The following TRPM3 variants were observed in gnomAD, a reference collection of about 807,000 sequenced individuals.
The protein encoded by TRPM3 is long transient receptor potential channel 3.
Under a neutral mutation model 181.2 loss-of-function variants are expected in TRPM3, and 77 were observed. The ratio of observed to expected loss-of-function variants is 0.42; its 90% CI spans 0.35 to 0.51. TRPM3 has a LOEUF of 0.51. TRPM3 is among the 20% of genes least tolerant of loss of function. TRPM3 has a pLI of 0.01. For synonymous variants in TRPM3, 745 were observed against 796.4 expected, an observed-to-expected ratio of 0.94 and a Z score of 1.09; for missense variants, 1,759 against 2,196.7, an observed-to-expected ratio of 0.80 and a Z score of 3.98.
intron 1 of TRPM3, among the ~76,000 whole-genome samples, chr9:71,215,200 G>A (rs890872316): frequency 6.6e-6 from 1 of 152,110 alleles, no homozygotes; most frequent in African/African-American, 2.4e-5. Context: ...ATTTGCACTA[G>A]AAATCAAATT....
intron 9 of TRPM3, among the ~76,000 whole-genome samples, chr9:70,657,551 A>G (rs2060533948): frequency 6.6e-6 from 1 of 152,200 alleles, no homozygotes; most frequent in Admixed American, 6.6e-5. Flanking sequence ...CTGGCCTAAC[A>G]GATTTTATGG....
chr9:70,575,005 A>C (rs2053546849), intron 22 of TRPM3, among the ~76,000 whole-genome samples: 1 of 151,526 alleles, frequency 6.6e-6, no homozygotes. Flanking sequence ...ACAGTGGCAC[A>C]ATCACAGCTC....
intron 1 of TRPM3, among the ~76,000 whole-genome samples, chr9:70,975,168 T>C (rs2097291057): frequency 1.3e-5 from 2 of 152,134 alleles, no homozygotes; most frequent in African/African-American, 4.8e-5. Flanking sequence ...GCACCCCGCC[T>C]GGAACATCAG....
chr9:70,692,127 A>T (rs1358863930), intron 8 of TRPM3, among the ~76,000 whole-genome samples: 1 of 152,198 alleles, frequency 6.6e-6, no homozygotes, highest in African/African-American at 2.4e-5. Flanking sequence ...CATATTTGTG[A>T]AATACTAGTT....
chr9:70,606,117 C>T (rs2061045634), intron 19 of TRPM3, among the ~76,000 whole-genome samples: 1 of 152,178 alleles, frequency 6.6e-6, no homozygotes, highest in Non-Finnish European at 1.5e-5. Flanking sequence ...TAATGTTAAC[C>T]TGCCTGGGCC....
At position 71,128,472 on chromosome 9, in the gene TRPM3, A is replaced by G. The variant is rs180762444; in HGVS notation, c.184-263961T>C. On this transcript the variant is annotated intron_variant, in intron 1 of 24. Coordinates refer to the TRPM3 transcript ENST00000357533. ...TCTAATGAGTTCCCGGAGGCTTGTT[A>G]AAAATATAAGAATTTGAGATGTGCA... Among the ~76,000 whole-genome samples the G allele has an allele frequency of 6.9e-3, 1,054 of 152,326 alleles. 1 individual carries two copies. The highest frequency in any genetic ancestry group is 0.017 in the Middle Eastern group (5 of 294).
intron 1 of TRPM3, among the ~76,000 whole-genome samples, chr9:71,119,356 G>A (rs2073125271): frequency 6.6e-6 from 1 of 152,134 alleles, no homozygotes; most frequent in South Asian, 2.1e-4. Context: ...AGATTGAGCT[G>A]TATGCCAATG....
intron 21 of TRPM3, among the ~76,000 whole-genome samples, chr9:70,592,127 G>A (rs887408758): frequency 6.6e-6 from 1 of 152,116 alleles, no homozygotes; most frequent in Non-Finnish European, 1.5e-5. Context: ...AATAGATGAG[G>A]ATGCAATAAC....
chr9:70,598,674 T>C lies in TRPM3; in HGVS notation c.2797-4A>G, dbSNP rs1269574830. Reference sequence around the variant, plus strand: ...TCCCTGGCTCTGACATCAGAATCTATAAGGCAGGAAGGAGAGCAGAGTTAG... The same window carrying C: ...TCCCTGGCTCTGACATCAGAATCTACAAGGCAGGAAGGAGAGCAGAGTTAG... On this transcript the variant is annotated splice_region_variant and splice_polypyrimidine_tract_variant and intron_variant, in intron 20 of 25. Coordinates refer to ENST00000677713, the MANE Select transcript of TRPM3 (RefSeq NM_001366145.2). 1.2e-6 allele frequency: 2 copies of C among 1,612,646 alleles called. No individual in the cohort carries two copies. The highest frequency in any genetic ancestry group is 1.1e-5 in the South Asian group (1 of 91,038).
intron 1 of TRPM3, among the ~76,000 whole-genome samples, chr9:70,971,830 A>T (rs547598360): frequency 6.6e-6 from 1 of 152,328 alleles, no homozygotes; most frequent in South Asian, 2.1e-4. Flanking sequence ...CAATAAGCAC[A>T]GGAAACAATG....
At position 70,683,428 on chromosome 9, in the gene TRPM3, C is replaced by CTTTTTTTTTTTTTTTTTTTTTT. The variant is rs575176948; in HGVS notation, c.1273-1872_1273-1851dup. The stretch of plus-strand genomic sequence containing the variant: ...CCTTTTCTCTCTTTCTCTCTCTCTC[C>CTTTTTTTTTTTTTTTTTTTTTT]TTTTTTTTTTTTTTTTTTTTTTTTT... On this transcript the variant is annotated intron_variant, in intron 8 of 25. Transcript: ENST00000677713. 1.4e-4 allele frequency among the ~76,000 whole-genome samples: 8 copies of CTTTTTTTTTTTTTTTTTTTTTT among 57,458 alleles called. 1 individual carries two copies. The highest frequency in any genetic ancestry group is 4.5e-4 in the East Asian group (1 of 2,210). 37.7% of individuals were successfully genotyped at this position (57,458 alleles called of 152,430 possible). A position where few individuals can be genotyped will look rare whatever the true frequency, so the allele number is the denominator to read the frequency against.
chr9:71,293,709 C>T (rs2086019423), intron 1 of TRPM3, among the ~76,000 whole-genome samples: 1 of 151,744 alleles, frequency 6.6e-6, no homozygotes, highest in African/African-American at 2.4e-5. Context: ...TTTCAAATAA[C>T]TTGACAGAAT....
chr9:71,075,987 G>T (rs1051919518), intron 1 of TRPM3, among the ~76,000 whole-genome samples: 6 of 152,060 alleles, frequency 3.9e-5, no homozygotes, highest in Non-Finnish European at 8.8e-5. Flanking sequence ...TGATTTTTTT[G>T]TTGTTGTAGT....
intron 1 of TRPM3, among the ~76,000 whole-genome samples, chr9:70,930,258 C>G (rs1182964981): frequency 1.3e-5 from 2 of 152,142 alleles, no homozygotes; most frequent in African/African-American, 4.8e-5. Context: ...ACACTAAGAG[C>G]ATGCAGTAAA....
intron 1 of TRPM3, among the ~76,000 whole-genome samples, chr9:71,333,648 A>G (rs896036049): frequency 3.3e-5 from 5 of 151,928 alleles, no homozygotes; most frequent in Non-Finnish European, 5.9e-5. Flanking sequence ...GTCCTCTTCC[A>G]GCAGACTCTT....
At chr9:71,373,065 T>A (rs1306822422) in intron 1 of TRPM3, among the ~76,000 whole-genome samples, 1 of 152,086 alleles carries the variant, frequency 6.6e-6, no homozygotes, top group African/African-American at 2.4e-5. Context: ...AAGGAGTTAT[T>A]TGAAACTAAT....
intron 1 of TRPM3, among the ~76,000 whole-genome samples, chr9:71,023,137 C>T (rs899032425): frequency 3.9e-5 from 6 of 151,996 alleles, no homozygotes; most frequent in South Asian, 2.1e-4. Context: ...ACTCTCAAAA[C>T]CCCCAAGTAA....
intron 1 of TRPM3, among the ~76,000 whole-genome samples, chr9:71,081,618 T>G (rs1018168068): frequency 3.3e-5 from 5 of 152,180 alleles, no homozygotes; most frequent in African/African-American, 1.2e-4. Flanking sequence ...AAATGTGACT[T>G]TAATTTTGGC....
chr9:70,622,451 T>C lies in TRPM3; in HGVS notation c.1810-1178A>G, dbSNP rs1052274639. ...AATATATTAATATGTTTAGATTCTT[T>C]ATGCTGGCCGTTTCCCTGTGCTGCT... On this transcript the variant is annotated intron_variant, in intron 14 of 25. Transcript: ENST00000677713. Among the ~76,000 whole-genome samples the C allele has an allele frequency of 5.9e-5, 9 of 152,360 alleles. No homozygotes were observed. The South Asian group carries it at 1.7e-3, about 28-fold the overall frequency.
Sources: gnomAD v4.1 joint callset for allele counts (sites outside exome capture counted in the v4.1 genomes callset) on GRCh38, gnomAD v4.1.1 for gene constraint, MANE v1.5 for transcripts, NCBI Gene and HGNC (gene_info 2026-07-23, HGNC 2026-07-21) for gene names.